The following LDB2 variants were observed in gnomAD, a reference collection of about 807,000 sequenced individuals.
The protein encoded by LDB2 is LIM domain-binding protein 2.
LDB2 carries 12 observed loss-of-function variants against 44.3 expected under a neutral mutation model. The ratio of observed to expected loss-of-function variants is 0.27; its 90% CI spans 0.17 to 0.44. LDB2 has a LOEUF of 0.44. Among genes scored for constraint, LDB2 ranks in the 20% least tolerant of loss-of-function variants. The pLI, the probability that LDB2 is intolerant of heterozygous loss-of-function variation, is 1.00. For synonymous variants in LDB2, 164 were observed against 174.8 expected (o/e 0.94, Z 0.49); for missense variants, 344 against 473.5 (o/e 0.73, Z 2.54).
intron 5 of LDB2, among the ~76,000 whole-genome samples, chr4:16,556,464 G>T (rs537073889): frequency 2.6e-5 from 4 of 152,194 alleles, no homozygotes; most frequent in African/African-American, 7.2e-5. Context: ...AGACTGCTTT[G>T]TGCATTATCA....
chr4:16,556,949 G>C (rs1192791102), intron 5 of LDB2, among the ~76,000 whole-genome samples: 1 of 152,098 alleles, frequency 6.6e-6, no homozygotes, highest in Non-Finnish European at 1.5e-5. Flanking sequence ...TTTTCAAGTA[G>C]ATTTTTAAAT....
At position 16,819,762 on chromosome 4, in the gene LDB2, G is replaced by A. The variant is rs144317043; in HGVS notation, c.133-60502C>T. 2.1e-3 allele frequency among the ~76,000 whole-genome samples: 317 copies of A among 152,312 alleles called. 5 individuals carry two copies. The East Asian group carries it at 0.037, about 18-fold the overall frequency. The stretch of plus-strand genomic sequence containing the variant: ...TTAAAGCAGCGATCTAGGGATTCAA[G>A]TGTTGGAATTGGGGACTGAAGGAGG... On this transcript the variant is annotated intron_variant, in intron 1 of 7. Coordinates refer to ENST00000304523, the MANE Select transcript of LDB2 (RefSeq NM_001290.5).
chr4:16,839,257 G>A (rs754994735), intron 1 of LDB2, among the ~76,000 whole-genome samples: 2 of 152,182 alleles, frequency 1.3e-5, no homozygotes, highest in Admixed American at 6.5e-5. Flanking sequence ...GACATCTGGC[G>A]AAAACCTCAG....
At chr4:16,771,989 C>T (rs1770806144) in intron 1 of LDB2, among the ~76,000 whole-genome samples, 1 of 152,186 alleles carries the variant, frequency 6.6e-6, no homozygotes, top group Admixed American at 6.5e-5. Context: ...TTCTTCTTTG[C>T]TGTTGGTTCA....
At chr4:16,863,873 G>C (rs1397043984) in intron 1 of LDB2, among the ~76,000 whole-genome samples, 1 of 152,030 alleles carries the variant, frequency 6.6e-6, no homozygotes, top group African/African-American at 2.4e-5. Flanking sequence ...TGTTAGCCAG[G>C]ATGGTCTCAA....
chr4:16,754,483 T>C (rs1766100372), intron 2 of LDB2, among the ~76,000 whole-genome samples: 1 of 152,126 alleles, frequency 6.6e-6, no homozygotes. Flanking sequence ...AGCTCTTTGA[T>C]TATAACATCT....
intron 5 of LDB2, among the ~76,000 whole-genome samples, chr4:16,522,264 G>A (rs1250241095): frequency 6.9e-6 from 1 of 143,894 alleles, no homozygotes; most frequent in Non-Finnish European, 1.5e-5. Flanking sequence ...ATTCCCCGCC[G>A]TGTGTGTGTG....
At chr4:16,851,697 T>A (rs1423117309) in intron 1 of LDB2, among the ~76,000 whole-genome samples, 1 of 151,462 alleles carries the variant, frequency 6.6e-6, no homozygotes. Flanking sequence ...GAGTGAGGCC[T>A]CAGAGACAGA....
chr4:16,712,477 A>G (rs1218347173), intron 2 of LDB2, among the ~76,000 whole-genome samples: 1 of 152,086 alleles, frequency 6.6e-6, no homozygotes, highest in Non-Finnish European at 1.5e-5. Flanking sequence ...GCTTGAGCCC[A>G]GGAGTCGGAG....
At chr4:16,801,804 C>A (rs141043295) in intron 1 of LDB2, among the ~76,000 whole-genome samples, 18 of 152,230 alleles carry the variant, frequency 1.2e-4, no homozygotes, top group African/African-American at 4.3e-4. Flanking sequence ...TGACCCCCAC[C>A]CACCCATACC....
At chr4:16,603,490 T>C (rs1723118462) in intron 2 of LDB2, among the ~76,000 whole-genome samples, 1 of 152,186 alleles carries the variant, frequency 6.6e-6, no homozygotes, top group Non-Finnish European at 1.5e-5. Context: ...TATATATTTA[T>C]ACCTTGGAGG....
At chr4:16,728,381 G>T (rs886640057) in intron 2 of LDB2, among the ~76,000 whole-genome samples, 1 of 152,120 alleles carries the variant, frequency 6.6e-6, no homozygotes, top group Non-Finnish European at 1.5e-5. Flanking sequence ...AATAGAAATA[G>T]AGAGATGAGA....
chr4:16,610,630 T>C (rs1725351684), intron 2 of LDB2, among the ~76,000 whole-genome samples: 1 of 150,102 alleles, frequency 6.7e-6, no homozygotes, highest in African/African-American at 2.5e-5. Context: ...GAGACCACCT[T>C]ACTGAAATAA....
intron 2 of LDB2, among the ~76,000 whole-genome samples, chr4:16,671,529 C>T (rs1399232097): frequency 6.6e-6 from 1 of 152,144 alleles, no homozygotes; most frequent in African/African-American, 2.4e-5. Flanking sequence ...TCCAGTCCAG[C>T]AGCTCAGCCA....
intron 1 of LDB2, among the ~76,000 whole-genome samples, chr4:16,844,495 G>T (rs986581421): frequency 1.3e-5 from 2 of 151,918 alleles, no homozygotes; most frequent in Non-Finnish European, 2.9e-5. Flanking sequence ...CCCTTTTTAT[G>T]GTAAAGATAT....
Position 16,595,761 on chromosome 4 carries a change from G to C in LDB2, c.350C>G (p.Thr117Arg). ...CATGGTACACTGGTCGCAGTCCACCGTGATGGATGAGTTGTGGTATGACTC... is the reference window on the plus strand; with the variant it reads ...CATGGTACACTGGTCGCAGTCCACCCTGATGGATGAGTTGTGGTATGACTC... ...SKESYHNSSI[T>R]VDCDQCTMVT... The change falls in exon 3 of 8, where the codon ACG becomes AGG. Residue 117 changes from threonine (T) to arginine (R), a missense_variant. Thr to Arg is a moderately conservative substitution (Grantham distance 71). Transcript: ENST00000304523. The C allele has an allele frequency of 6.2e-7, 1 of 1,613,878 alleles. No individual in the cohort carries two copies. Among genetic ancestry groups the C allele is most frequent in the Non-Finnish European group, 8.5e-7 (1 of 1,179,890 alleles).
chr4:16,658,202 T>C (rs1237348123), intron 2 of LDB2, among the ~76,000 whole-genome samples: 1 of 152,212 alleles, frequency 6.6e-6, no homozygotes, highest in Non-Finnish European at 1.5e-5. Flanking sequence ...GGGCAGGGGC[T>C]GTATCTTATT....
chr4:16,730,698 T>C (rs1049211669), intron 2 of LDB2, among the ~76,000 whole-genome samples: 1 of 152,144 alleles, frequency 6.6e-6, no homozygotes, highest in Non-Finnish European at 1.5e-5. Context: ...GGTCATAAGC[T>C]CACAGACTTG....
intron 5 of LDB2, among the ~76,000 whole-genome samples, chr4:16,573,051 G>A (rs1349042053): frequency 6.6e-6 from 1 of 152,202 alleles, no homozygotes; most frequent in East Asian, 1.9e-4. Context: ...CAACCCCACG[G>A]TGGAGTGGTG....
Sources: allele counts gnomAD v4.1 joint callset (sites outside exome capture counted in the v4.1 genomes callset), GRCh38; gene constraint gnomAD v4.1.1; transcripts MANE v1.5; gene names NCBI Gene and HGNC (gene_info 2026-07-23, HGNC 2026-07-21).